GALNT10: variants seen among roughly 807,000 people sequenced by gnomAD.
GALNT10 encodes the protein polypeptide N-acetylgalactosaminyltransferase 10.
A neutral mutation model predicts 75.0 loss-of-function variants in GALNT10; 41 were observed. The observed-to-expected ratio is 0.55, with a 90% confidence interval of 0.43 to 0.71. The LOEUF is 0.71. Among genes scored for constraint, GALNT10 ranks in the 30% least tolerant of loss-of-function variants. GALNT10 has a pLI of 0.00. For synonymous variants in GALNT10, 302 were observed against 313.0 expected, an observed-to-expected ratio of 0.96 and a Z score of 0.37; for missense variants, 727 against 818.5, an observed-to-expected ratio of 0.89 and a Z score of 1.36.
Position 154,297,948 on chromosome 5 carries a change from A to G in GALNT10, c.270A>G (p.Gly90=). Reference sequence around the variant, plus strand: ...TTTGCTCTTTGCTTCTAGGAAATGGAGAACAAGGAAGACCTTACCCCATGA... The same window carrying G: ...TTTGCTCTTTGCTTCTAGGAAATGGGGAACAAGGAAGACCTTACCCCATGA... ...IRRDAQRVGN[G]EQGRPYPMTD... The change falls in exon 3 of 12, where the codon GGA becomes GGG. Residue 90 remains glycine, a synonymous_variant. Coordinates refer to ENST00000297107, the MANE Select transcript of GALNT10 (RefSeq NM_198321.4). 2 of 1,612,702 alleles carry G rather than the reference A, an allele frequency of 1.2e-6. No individual in the cohort carries two copies. The highest frequency in any genetic ancestry group is 1.7e-6 in the Non-Finnish European group (2 of 1,179,454).
rs1342019968 is a variant in GALNT10 at position 154,409,393 on chromosome 5, G to A, written c.1165-148G>A. 2 of 717,464 alleles carry A rather than the reference G, an allele frequency of 2.8e-6. No individual in the cohort carries two copies. Among genetic ancestry groups the A allele is most frequent in the Non-Finnish European group, 5.1e-6 (2 of 392,534 alleles). The allele number at this position is 717,464 out of a possible 1,614,324, so 44.4% of individuals were successfully genotyped here. A position where few individuals can be genotyped will look rare whatever the true frequency, so the allele number is the denominator to read the frequency against. ...ATGCATAATGATAAATAGAAACACAGAAGGCCTAAACTCACGGTGGGGCTG... is the reference window on the plus strand; with the variant it reads ...ATGCATAATGATAAATAGAAACACAAAAGGCCTAAACTCACGGTGGGGCTG... On this transcript the variant is annotated intron_variant, in intron 8 of 11. Transcript: ENST00000297107. The surrounding 1 kb of genome is among the most constrained non-coding windows in gnomAD (Gnocchi z 4.5).
intron 1 of GALNT10, among the ~76,000 whole-genome samples, chr5:154,233,315 G>A (rs1753194776): frequency 6.6e-6 from 1 of 152,118 alleles, no homozygotes; most frequent in Non-Finnish European, 1.5e-5. Context: ...GCCTGTTCTA[G>A]GGCTTGTCCT....
intron 4 of GALNT10, among the ~76,000 whole-genome samples, chr5:154,336,720 C>A (rs954665793): frequency 2.0e-5 from 3 of 152,174 alleles, no homozygotes; most frequent in African/African-American, 7.2e-5. Flanking sequence ...TTCATGTTTG[C>A]AGTCTGGTAT....
chr5:154,408,325 C>A (rs3776993), intron 8 of GALNT10, among the ~76,000 whole-genome samples: 1 of 152,250 alleles, frequency 6.6e-6, no homozygotes, highest in East Asian at 1.9e-4. Flanking sequence ...CCCCTTTAAC[C>A]TTTCAGAGGA....
At chr5:154,213,290 A>C (rs1358471431) in intron 1 of GALNT10, among the ~76,000 whole-genome samples, 1 of 152,160 alleles carries the variant, frequency 6.6e-6, no homozygotes, top group Non-Finnish European at 1.5e-5. Flanking sequence ...TGTAGGGATT[A>C]AGAATTTGAA....
intron 6 of GALNT10, among the ~76,000 whole-genome samples, chr5:154,384,352 A>G (rs1474082004): frequency 1.3e-5 from 2 of 152,216 alleles, no homozygotes; most frequent in African/African-American, 4.8e-5. Context: ...TTATTTTCTA[A>G]GGTAAAGAGA....
In GALNT10 at chr5:154,304,566, A is replaced by T. The variant is rs1754404038; in HGVS notation, c.401+6487A>T. On this transcript the variant is annotated intron_variant, in intron 3 of 11. Transcript: ENST00000297107. ...AACTTAGAATTCTGTACCCAGTGAA[A>T]ATATCTTTTTTAAAAAAAGATACTA... is the stretch of plus-strand genomic sequence containing the variant. 1.3e-5 allele frequency among the ~76,000 whole-genome samples: 2 copies of T among 152,184 alleles called. 1 individual carries two copies. Among genetic ancestry groups the T allele is most frequent in the African/African-American group, 4.8e-5 (2 of 41,434 alleles).
chr5:154,371,269 C>T (rs1755558586), intron 4 of GALNT10, among the ~76,000 whole-genome samples: 1 of 152,150 alleles, frequency 6.6e-6, no homozygotes, highest in African/African-American at 2.4e-5. Context: ...GATGAGTGCC[C>T]ACCCTAATCC....
intron 4 of GALNT10, among the ~76,000 whole-genome samples, chr5:154,356,529 G>A (rs1755300987): frequency 6.6e-6 from 1 of 152,226 alleles, no homozygotes; most frequent in Non-Finnish European, 1.5e-5. Context: ...GTGATATGAA[G>A]AGAATGGCTT....
At chr5:154,198,551 G>C (rs1015944923) in intron 1 of GALNT10, among the ~76,000 whole-genome samples, 2 of 152,226 alleles carry the variant, frequency 1.3e-5, no homozygotes, top group African/African-American at 4.8e-5. Context: ...AGCCAGGTGG[G>C]TGCAGTCTCT....
At position 154,403,000 on chromosome 5, in the gene GALNT10, G is replaced by A. The variant is rs1484589832; in HGVS notation, c.1057-1104G>A. ...ATTGTGAGGCCACTTCGGAGGCTGG[G>A]GCCTCGGCTGACTGATTCACTGCTG... On this transcript the variant is annotated intron_variant, in intron 7 of 11. Transcript: ENST00000297107. This position sits in a 1 kb window ranked among gnomAD's most constrained non-coding sequence, Gnocchi z 4.2. 1.3e-5 allele frequency: 2 copies of A among 152,420 alleles called. No individual in the cohort carries two copies. The highest frequency in any genetic ancestry group is 2.4e-5 in the African/African-American group (1 of 41,458). The allele number at this position is 152,420 out of a possible 1,614,324, so 9.4% of individuals were successfully genotyped here. A position where few individuals can be genotyped will look rare whatever the true frequency, so the allele number is the denominator to read the frequency against.
intron 7 of GALNT10, among the ~76,000 whole-genome samples, chr5:154,397,610 C>T: frequency 6.6e-6 from 1 of 152,230 alleles, no homozygotes; most frequent in East Asian, 1.9e-4. Context: ...ACCCTATGTG[C>T]CTCCTAAGCA....
At chr5:154,318,918 A>G (rs1754636271) in intron 3 of GALNT10, among the ~76,000 whole-genome samples, 1 of 152,266 alleles carries the variant, frequency 6.6e-6, no homozygotes, top group African/African-American at 2.4e-5. Flanking sequence ...AAGGATAGTG[A>G]AAGTGCTTTT....
intron 3 of GALNT10, among the ~76,000 whole-genome samples, chr5:154,318,462 A>T (rs1273852508): frequency 1.3e-5 from 2 of 151,474 alleles, no homozygotes; most frequent in Admixed American, 6.6e-5. Flanking sequence ...TATATATATA[A>T]AAGACAGATG....
At chr5:154,371,558 G>A (rs969202269) in intron 4 of GALNT10, among the ~76,000 whole-genome samples, 1 of 51,978 alleles carries the variant, frequency 1.9e-5, no homozygotes, top group African/African-American at 5.4e-5. Flanking sequence ...GTGTGTGTGT[G>A]TGTGTACACA....
At chr5:154,220,071 T>TC (rs1349174860) in intron 1 of GALNT10, 1 of 152,190 alleles carries the variant, frequency 6.6e-6, no homozygotes, top group Non-Finnish European at 1.5e-5. Flanking sequence ...GTGCTTAGCC[T>TC]CCAAGTATGG....
At chr5:154,306,742 C>CAAA in intron 3 of GALNT10, among the ~76,000 whole-genome samples, 1 of 151,166 alleles carries the variant, frequency 6.6e-6, no homozygotes, top group Non-Finnish European at 1.5e-5. Flanking sequence ...ACAACAACAA[C>CAAA]AAAAAAAACT....
At position 154,416,075 on chromosome 5, in the gene GALNT10, A is replaced by G. The variant is rs1267073520; in HGVS notation, c.1653+143A>G. 16 of 720,274 alleles carry G rather than the reference A, an allele frequency of 2.2e-5. No homozygotes were observed. Among genetic ancestry groups the G allele is most frequent in the Non-Finnish European group, 3.4e-5 (15 of 438,028 alleles). 44.6% of individuals were successfully genotyped at this position (720,274 alleles called of 1,614,324 possible). On this transcript the variant is annotated intron_variant, in intron 11 of 11. Coordinates refer to ENST00000297107, the MANE Select transcript of GALNT10 (RefSeq NM_198321.4). This position sits in a 1 kb window ranked among gnomAD's most constrained non-coding sequence, Gnocchi z 4.5. Reference sequence around the variant, plus strand: ...CCATGCCGGATTTTGTAGTCATTCAAGAGTAGTCAGAAATCTAGACTTCAC... The same window carrying G: ...CCATGCCGGATTTTGTAGTCATTCAGGAGTAGTCAGAAATCTAGACTTCAC...
intron 1 of GALNT10, among the ~76,000 whole-genome samples, chr5:154,216,281 A>G (rs539626697): frequency 8.2e-4 from 125 of 152,310 alleles, no homozygotes; most frequent in African/African-American, 2.8e-3. Context: ...GCTATGTGTT[A>G]TATACTGCAT....
Sources: gnomAD v4.1 joint callset for allele counts (sites outside exome capture counted in the v4.1 genomes callset) on GRCh38, gnomAD v4.1.1 for gene constraint, Gnocchi (gnomAD v3.1) non-coding constraint, MANE v1.5 for transcripts, NCBI Gene and HGNC (gene_info 2026-07-23, HGNC 2026-07-21) for gene names.